MAPK10: variants seen among roughly 807,000 people sequenced by gnomAD.
MAPK10 encodes mitogen-activated protein kinase 10.
MAPK10 carries 25 observed loss-of-function variants against 59.3 expected under a neutral mutation model. That is an observed-to-expected ratio of 0.42 (90% CI 0.31 to 0.59). The LOEUF is 0.59. MAPK10 is among the 20% of genes least tolerant of loss of function. MAPK10 has a pLI of 0.15. For synonymous variants in MAPK10, 190 were observed against 200.5 expected (o/e 0.95, Z 0.44); for missense variants, 351 against 568.9 (o/e 0.62, Z 3.90).
chr4:86,019,289 A>T (rs904166477), intron 13 of MAPK10, among the ~76,000 whole-genome samples: 2 of 152,130 alleles, frequency 1.3e-5, no homozygotes, highest in Non-Finnish European at 2.9e-5. Context: ...TATACAGAAA[A>T]GCTTATGAAT....
chr4:86,575,845 A>G (rs1160585897), intron 1 of MAPK10, among the ~76,000 whole-genome samples: 1 of 151,524 alleles, frequency 6.6e-6, no homozygotes, highest in Non-Finnish European at 1.5e-5. Flanking sequence ...AAAGATCACA[A>G]GTCATTTGAG....
intron 9 of MAPK10, chr4:86,080,979 G>A (rs2050530920): frequency 6.6e-6 from 1 of 151,852 alleles, no homozygotes; most frequent in Non-Finnish European, 1.5e-5. Context: ...TTCTGAAGAT[G>A]ACAAAAATGA....
Position 86,188,886 on chromosome 4 carries a change from G to A in MAPK10, c.66+5450C>T, listed in dbSNP as rs554555762. ...GTTTTTACGGTTTTTATGGTTTTAG[G>A]TCTTACGTTTAAGTCTTTAATCCAT... On this transcript the variant is annotated intron_variant, in intron 3 of 13. Transcript: ENST00000641462. 2.4e-4 allele frequency among the ~76,000 whole-genome samples: 36 copies of A among 152,204 alleles called. No individual in the cohort carries two copies. The South Asian group carries it at 6.8e-3, about 29-fold the overall frequency.
At chr4:86,160,831 G>A (rs1008979925) in intron 3 of MAPK10, among the ~76,000 whole-genome samples, 6 of 151,802 alleles carry the variant, frequency 4.0e-5, no homozygotes, top group African/African-American at 1.5e-4. Flanking sequence ...AATCTCCTTG[G>A]GCTCTGAACC....
Position 86,354,640 on chromosome 4 carries a change from C to A in MAPK10, c.-117G>T. The A allele has an allele frequency of 8.3e-7, 1 of 1,208,410 alleles. No homozygotes were observed. The highest frequency in any genetic ancestry group is 1.0e-6 in the Non-Finnish European group (1 of 966,464). The allele number at this position is 1,208,410 out of a possible 1,614,324, so 74.9% of individuals were successfully genotyped here. A position where few individuals can be genotyped will look rare whatever the true frequency, so the allele number is the denominator to read the frequency against. On this transcript the variant is annotated 5_prime_UTR_variant, in exon 2 of 14. Coordinates refer to ENST00000641462, the MANE Select transcript of MAPK10 (RefSeq NM_138982.4). ...GGGCCTGCTGTTGGTGTTTCTCACACTAGCCTGAAAGCAAAGCCAAAAAAC... is the reference window on the plus strand; with the variant it reads ...GGGCCTGCTGTTGGTGTTTCTCACAATAGCCTGAAAGCAAAGCCAAAAAAC...
chr4:86,334,985 A>C (rs1720267845), intron 2 of MAPK10: 1 of 152,028 alleles, frequency 6.6e-6, no homozygotes, highest in Admixed American at 6.6e-5. Context: ...TTTGTATGTA[A>C]ATCTGTAGAA....
At chr4:86,149,214 G>A (rs1308295716) in intron 4 of MAPK10, among the ~76,000 whole-genome samples, 2 of 152,032 alleles carry the variant, frequency 1.3e-5, no homozygotes, top group Non-Finnish European at 2.9e-5. Context: ...CTTTTGCTCT[G>A]GCCACCAATT....
chr4:86,233,678 C>A (rs2091896817), intron 2 of MAPK10, among the ~76,000 whole-genome samples: 1 of 152,122 alleles, frequency 6.6e-6, no homozygotes, highest in South Asian at 2.1e-4. Flanking sequence ...TAGAAAGATA[C>A]CACCTAGGAC....
intron 7 of MAPK10, chr4:86,101,465 G>GA (rs79799284): frequency 2.1e-3 from 904 of 421,490 alleles, no homozygotes; most frequent in East Asian, 2.2e-3. Context: ...AGAGGTTTTA[G>GA]AAAAAAAAAT....
chr4:86,044,579 A>G (rs2042170969), intron 11 of MAPK10: 1 of 393,368 alleles, frequency 2.5e-6, no homozygotes, highest in Non-Finnish European at 4.5e-6. Flanking sequence ...AGTTCTTGGT[A>G]GAATACAATG....
chr4:86,430,524 G>A (rs1418622417), intron 1 of MAPK10, among the ~76,000 whole-genome samples: 3 of 152,232 alleles, frequency 2.0e-5, no homozygotes, highest in South Asian at 2.1e-4. Flanking sequence ...AGGAGATACC[G>A]ATATTTAAAT....
chr4:86,503,880 C>G (rs1017532103), intron 1 of MAPK10, among the ~76,000 whole-genome samples: 1 of 152,094 alleles, frequency 6.6e-6, no homozygotes, highest in Non-Finnish European at 1.5e-5. Flanking sequence ...TAATCCTACT[C>G]TAGCCACACC....
chr4:86,413,034 G>A (rs1208601629), intron 1 of MAPK10, among the ~76,000 whole-genome samples: 1 of 152,160 alleles, frequency 6.6e-6, no homozygotes, highest in South Asian at 2.1e-4. Context: ...CCCTGTGTTT[G>A]TGGTTTTATC....
chr4:86,531,420 G>A (rs1757844580), intron 1 of MAPK10, among the ~76,000 whole-genome samples: 1 of 152,040 alleles, frequency 6.6e-6, no homozygotes, highest in Non-Finnish European at 1.5e-5. Context: ...CATTGTTATG[G>A]GTTATTTTGC....
At chr4:86,565,918 T>G (rs1761027157) in intron 1 of MAPK10, among the ~76,000 whole-genome samples, 1 of 152,160 alleles carries the variant, frequency 6.6e-6, no homozygotes, top group African/African-American at 2.4e-5. Flanking sequence ...GAACACATAC[T>G]CACATTCTTT....
chr4:86,013,473 C>A lies in MAPK10; in HGVS notation c.*3755G>T, dbSNP rs1742033434. 6.6e-6 allele frequency: 1 copy of A among 152,124 alleles called. No individual in the cohort carries two copies. The highest frequency in any genetic ancestry group is 2.4e-5 in the African/African-American group (1 of 41,414). The allele number at this position is 152,124 out of a possible 1,614,324, so 9.4% of individuals were successfully genotyped here. On this transcript the variant is annotated 3_prime_UTR_variant, in exon 14 of 14. Transcript: ENST00000641462. ...TTCAGCAAAGCTGGCTAATAACATG[C>A]CTTACAGAGCATAATGCACTTAAGA...
At chr4:86,503,967 T>C (rs955092969) in intron 1 of MAPK10, among the ~76,000 whole-genome samples, 2 of 152,110 alleles carry the variant, frequency 1.3e-5, no homozygotes, top group African/African-American at 4.8e-5. Context: ...CTCTTCTTCC[T>C]GAGACCTACA....
intron 1 of MAPK10, among the ~76,000 whole-genome samples, chr4:86,400,578 G>A (rs1743571633): frequency 6.6e-6 from 1 of 152,044 alleles, no homozygotes; most frequent in Non-Finnish European, 1.5e-5. Context: ...ACTCAAACCA[G>A]GATATTGTTG....
intron 1 of MAPK10, among the ~76,000 whole-genome samples, chr4:86,372,563 A>AGAAAGAAAGAAAGAAAG (rs1738987915): frequency 4.6e-4 from 4 of 8,734 alleles, no homozygotes; most frequent in East Asian, 2.8e-3. Flanking sequence ...AAAGAAAGAA[A>AGAAAGAAAGAAAGAAAG]GAAAGAAAAG....
Sources: allele counts gnomAD v4.1 joint callset (sites outside exome capture counted in the v4.1 genomes callset), GRCh38; gene constraint gnomAD v4.1.1; transcripts MANE v1.5; gene names NCBI Gene and HGNC (gene_info 2026-07-23, HGNC 2026-07-21).